RNF17: variants seen among roughly 807,000 people sequenced by gnomAD.
The protein encoded by RNF17 is ring finger protein 17.
A neutral mutation model predicts 200.5 loss-of-function variants in RNF17; 31 were observed. The ratio of observed to expected loss-of-function variants is 0.15; its 90% confidence interval spans 0.12 to 0.21. The LOEUF (loss-of-function observed/expected upper bound fraction) is 0.21, where lower values mean the gene tolerates loss of function less well. Among genes scored for constraint, RNF17 ranks in the 10% least tolerant of loss-of-function variants. RNF17 has a pLI of 1.00. For synonymous variants in RNF17, 606 were observed against 637.8 expected (o/e 0.95, Z 0.75); for missense variants, 1,628 against 1,905.1 (o/e 0.85, Z 2.71).
At chr13:24,795,709 A>G (rs1050029587) in intron 10 of RNF17, among the ~76,000 whole-genome samples, 1 of 152,082 alleles carries the variant, frequency 6.6e-6, no homozygotes, top group Non-Finnish European at 1.5e-5. Flanking sequence ...TATTGGTTCT[A>G]TAGGTAGAGT....
rs1302147724 is a variant in RNF17, at chr13:24,876,997, A to G, written c.4584A>G (p.Arg1528=). The G allele has an allele frequency of 6.3e-7, 1 of 1,586,280 alleles. No homozygotes were observed. Among genetic ancestry groups the G allele is most frequent in the Admixed American group, 1.9e-5 (1 of 51,928 alleles). Reference sequence around the variant, plus strand: ...AATGTAAGAATTTCTTTTGTGACAGACTGTGCCAAATTCCTTCTCATCTTA... The same window carrying G: ...AATGTAAGAATTTCTTTTGTGACAGGCTGTGCCAAATTCCTTCTCATCTTA... ...YGSTAKLTLN[R]LCQIPSHLMR... The change falls in exon 34 of 36, where the codon AGA becomes AGG. Residue 1528 remains arginine (R), a splice_region_variant and synonymous_variant. Transcript: ENST00000255324.
At position 24,842,102 on chromosome 13, in the gene RNF17, G is replaced by T. The variant is rs191402313; in HGVS notation, c.2544G>T (p.Met848Ile). 6.3e-5 allele frequency: 102 copies of T among 1,610,170 alleles called. No homozygotes were observed. In the Admixed American group the frequency reaches 1.6e-3, roughly 26 times the overall value. The change falls in exon 19 of 36, where the codon ATG becomes ATT. Residue 848 changes from methionine to isoleucine, a missense_variant. Physicochemically the swap from Met to Ile is conservative, Grantham distance 10. This residue lies in a region of RNF17 where 227 missense variants were observed against 319.8 expected (regional missense o/e 0.71). Transcript: ENST00000255324. ...ELFDSLGAPEMTTTSINDQLV... is the reference protein window; with the variant it reads ...ELFDSLGAPEITTTSINDQLV... ...TCGATTCTCTTGGTGCTCCTGAAAT[G>T]ACTACTACTAGTATTAATGACCAGC...
intron 16 of RNF17, among the ~76,000 whole-genome samples, chr13:24,827,715 A>C (rs1888868576): frequency 2.1e-5 from 2 of 94,826 alleles, no homozygotes; most frequent in Non-Finnish European, 4.3e-5. Flanking sequence ...AAAAAAAAAA[A>C]AACAAAAAAA....
the RNF17 span, among the ~76,000 whole-genome samples, chr13:24,754,605 T>C: frequency 1.3e-5 from 2 of 152,156 alleles, no homozygotes; most frequent in Non-Finnish European, 2.9e-5. Context: ...TCAATAAAGA[T>C]TGCTGCCAGG....
At chr13:24,797,926 A>G (rs893715024) in intron 11 of RNF17, among the ~76,000 whole-genome samples, 2 of 152,178 alleles carry the variant, frequency 1.3e-5, no homozygotes, top group African/African-American at 4.8e-5. Flanking sequence ...ATGACAATAA[A>G]TGATGCAGTA....
upstream of RNF17, among the ~76,000 whole-genome samples, chr13:24,760,358 G>A (rs1390050237): frequency 6.6e-6 from 1 of 152,124 alleles, no homozygotes; most frequent in African/African-American, 2.4e-5. Flanking sequence ...TTTCCAGAAA[G>A]AAATGTTAAC....
At chr13:24,825,837 G>A in intron 16 of RNF17, 65 bp downstream of exon 16, 2 of 1,509,542 alleles carry the variant, frequency 1.3e-6, no homozygotes, top group East Asian at 2.3e-5. Context: ...CATTTGAGTT[G>A]GTACCAATTC....
At chr13:24,750,030 G>T in the RNF17 span, among the ~76,000 whole-genome samples, 2 of 152,154 alleles carry the variant, frequency 1.3e-5, no homozygotes, top group Non-Finnish European at 2.9e-5. Flanking sequence ...GGGATTACAG[G>T]CGTGAGTCAC....
the RNF17 span, chr13:24,751,484 C>A: frequency 2.6e-5 from 4 of 151,796 alleles, no homozygotes; most frequent in African/African-American, 7.3e-5. Flanking sequence ...TCTTCCATTT[C>A]GGTGGTAGGC....
At chr13:24,866,937 G>A (rs1893687847) in intron 30 of RNF17, among the ~76,000 whole-genome samples, 1 of 152,114 alleles carries the variant, frequency 6.6e-6, no homozygotes, top group Admixed American at 6.5e-5. Context: ...ATTACTACTT[G>A]TATTCTGTTT....
intron 9 of RNF17, among the ~76,000 whole-genome samples, chr13:24,792,108 TG>T (rs1779534933): frequency 6.6e-6 from 1 of 152,172 alleles, no homozygotes; most frequent in African/African-American, 2.4e-5. Flanking sequence ...CAACAACCTT[TG>T]CAATCAATAT....
intron 28 of RNF17, among the ~76,000 whole-genome samples, chr13:24,863,522 C>T (rs770176803): frequency 1.9e-4 from 29 of 152,202 alleles, no homozygotes; most frequent in Admixed American, 9.2e-4. Context: ...TAAGATCAAC[C>T]TGCAGCTGCT....
chr13:24,794,877 T>C (rs1256922135), intron 10 of RNF17, among the ~76,000 whole-genome samples: 1 of 152,116 alleles, frequency 6.6e-6, no homozygotes, highest in East Asian at 1.9e-4. Context: ...GCCACAATCC[T>C]CAGCTAATTT....
chr13:24,764,384 T>G, intron 1 of RNF17, 51 bp downstream of exon 1: 5 of 1,517,366 alleles, frequency 3.3e-6, no homozygotes, highest in Non-Finnish European at 4.4e-6. Flanking sequence ...GAGGGAGCGC[T>G]GGGGGCCAGG....
intron 15 of RNF17, among the ~76,000 whole-genome samples, chr13:24,823,082 A>T (rs1307172739): frequency 1.3e-5 from 2 of 151,842 alleles, no homozygotes; most frequent in African/African-American, 2.4e-5. Context: ...TTCTTTTTTT[A>T]AAAGAAAAAA....
At chr13:24,774,705 A>C in intron 2 of RNF17, 108 bp from the exon 3 acceptor site, 1 of 566,866 alleles carries the variant, frequency 1.8e-6, no homozygotes, top group Non-Finnish European at 3.0e-6. Context: ...CAGGATCTTT[A>C]AGGTTATCAT....
At chr13:24,866,698 C>T (rs1893659581) in intron 30 of RNF17, among the ~76,000 whole-genome samples, 2 of 152,190 alleles carry the variant, frequency 1.3e-5, no homozygotes, top group Admixed American at 1.3e-4. Flanking sequence ...GTTGTTTCCA[C>T]CTTATGGTGG....
At chr13:24,840,754 C>T (rs543256992) in intron 18 of RNF17, among the ~76,000 whole-genome samples, 243 of 149,696 alleles carry the variant, frequency 1.6e-3, no homozygotes, top group South Asian at 3.4e-3. Context: ...AGGAGGGGGG[C>T]GAAGGATAAA....
the RNF17 span, among the ~76,000 whole-genome samples, chr13:24,754,672 C>T: frequency 6.6e-6 from 1 of 152,114 alleles, no homozygotes; most frequent in African/African-American, 2.4e-5. Flanking sequence ...GGGCAGATCG[C>T]TTGAGACCAG....
Sources: allele counts gnomAD v4.1 joint callset (sites outside exome capture counted in the v4.1 genomes callset), GRCh38; gene constraint gnomAD v4.1.1; regional missense constraint gnomAD v4.1.1; transcripts MANE v1.5; gene names NCBI Gene and HGNC (gene_info 2026-07-23, HGNC 2026-07-21).